SLC25A21: variants seen among roughly 807,000 people sequenced by gnomAD.
SLC25A21 encodes mitochondrial 2-oxodicarboxylate carrier.
A neutral mutation model predicts 43.8 loss-of-function variants in SLC25A21; 47 were observed. The ratio of observed to expected loss-of-function variants is 1.07; its 90% CI spans 0.85 to 1.37. The LOEUF is 1.37. Among genes scored for constraint, SLC25A21 ranks in the 40% most tolerant of loss-of-function variants. SLC25A21 has a pLI of 0.00. For synonymous variants in SLC25A21, 131 were observed against 121.3 expected, an observed-to-expected ratio of 1.08 and a Z score of -0.52; for missense variants, 352 against 350.2, an observed-to-expected ratio of 1.00 and a Z score of -0.04.
rs886189120 is a variant in SLC25A21 at position 36,958,831 on chromosome 14, C to G, written c.71-83827G>C. 5.9e-5 allele frequency among the ~76,000 whole-genome samples: 9 copies of G among 152,282 alleles called. No homozygotes were observed. In the East Asian group the frequency reaches 1.4e-3, roughly 23 times the overall value. ...AACAGAGTGGACAGAACCAGGCCTG[C>G]CTGAAGAGAGCCTCCAGAAACAAGA... On this transcript the variant is annotated intron_variant, in intron 1 of 9. Transcript: ENST00000331299.
chr14:36,975,907 T>C (rs1161129598), intron 1 of SLC25A21, among the ~76,000 whole-genome samples: 3 of 152,194 alleles, frequency 2.0e-5, no homozygotes, highest in Non-Finnish European at 2.9e-5. Context: ...AAAATGAGCA[T>C]TGCAGAGAAA....
At chr14:36,917,445 C>A (rs1222965617) in intron 1 of SLC25A21, among the ~76,000 whole-genome samples, 2 of 152,088 alleles carry the variant, frequency 1.3e-5, no homozygotes, top group South Asian at 2.1e-4. Context: ...TTGTTTATAT[C>A]TTTTTCTTAT....
chr14:36,703,696 CAT>C (rs1883377688), intron 7 of SLC25A21, among the ~76,000 whole-genome samples: 1 of 152,038 alleles, frequency 6.6e-6, no homozygotes, highest in South Asian at 2.1e-4. Context: ...TTTATGGAAA[CAT>C]ATGAAAAGAA....
At chr14:36,990,928 T>C (rs1594741302) in intron 1 of SLC25A21, among the ~76,000 whole-genome samples, 1 of 152,042 alleles carries the variant, frequency 6.6e-6, no homozygotes, top group East Asian at 1.9e-4. Flanking sequence ...TCAGTCATGT[T>C]CCCAAGCTCT....
chr14:37,040,545 G>A (rs1391483135), intron 1 of SLC25A21, among the ~76,000 whole-genome samples: 1 of 151,916 alleles, frequency 6.6e-6, no homozygotes, highest in Non-Finnish European at 1.5e-5. Flanking sequence ...GACCTTTCAT[G>A]CTGGGTAAGA....
At chr14:36,835,136 G>A (rs1032150630) in intron 2 of SLC25A21, among the ~76,000 whole-genome samples, 3 of 152,216 alleles carry the variant, frequency 2.0e-5, no homozygotes, top group Non-Finnish European at 2.9e-5. Context: ...AGACTGAGCA[G>A]ACATAAGTCT....
At chr14:37,120,609 G>A (rs1337745031) in intron 1 of SLC25A21, among the ~76,000 whole-genome samples, 1 of 152,116 alleles carries the variant, frequency 6.6e-6, no homozygotes, top group East Asian at 1.9e-4. Context: ...TGACTGCTTT[G>A]CCTTGGGCCC....
At chr14:36,987,203 G>T (rs1329446717) in intron 1 of SLC25A21, among the ~76,000 whole-genome samples, 1 of 152,046 alleles carries the variant, frequency 6.6e-6, no homozygotes, top group African/African-American at 2.4e-5. Context: ...ATGGGAAAAA[G>T]GCAGCCCAAC....
In SLC25A21 at chr14:37,106,679, T is replaced by C. The variant is rs1452072567; in HGVS notation, c.70+65602A>G. On this transcript the variant is annotated intron_variant, in intron 1 of 9. Transcript: ENST00000331299. ...ATCTTTGTTAGACCCTTATTAGTAGTTCTGCTTTTTGCCCTTTGAAGCATG... is the reference window on the plus strand; with the variant it reads ...ATCTTTGTTAGACCCTTATTAGTAGCTCTGCTTTTTGCCCTTTGAAGCATG... Among the ~76,000 whole-genome samples, 5 of 152,308 alleles carry C rather than the reference T, an allele frequency of 3.3e-5. 1 individual carries two copies. The highest frequency in any genetic ancestry group is 2.1e-4 in the South Asian group (1 of 4,826).
At chr14:36,878,698 T>C (rs1241054423) in intron 1 of SLC25A21, among the ~76,000 whole-genome samples, 2 of 152,152 alleles carry the variant, frequency 1.3e-5, no homozygotes, top group African/African-American at 4.8e-5. Flanking sequence ...TTCTCTATTC[T>C]CATAAAATTA....
At chr14:36,794,939 T>A (rs1376778425) in intron 3 of SLC25A21, among the ~76,000 whole-genome samples, 2 of 152,186 alleles carry the variant, frequency 1.3e-5, no homozygotes, top group African/African-American at 2.4e-5. Flanking sequence ...GATTAATTTA[T>A]GGATTTTACT....
intron 8 of SLC25A21, among the ~76,000 whole-genome samples, chr14:36,684,344 T>C (rs1271255422): frequency 2.0e-5 from 3 of 152,180 alleles, no homozygotes; most frequent in African/African-American, 7.2e-5. Context: ...ATGCACATAC[T>C]TTAAATTTTT....
rs117198530 is a variant in SLC25A21, at chr14:36,825,643, G to A, written c.120-11642C>T. 8.9e-4 allele frequency among the ~76,000 whole-genome samples: 136 copies of A among 152,262 alleles called. 2 individuals are homozygous for A. The East Asian group carries it at 0.024, about 27-fold the overall frequency. On this transcript the variant is annotated intron_variant, in intron 2 of 9. Coordinates refer to ENST00000331299, the MANE Select transcript of SLC25A21 (RefSeq NM_030631.4). ...GCTGACTTTAGCTAGCAGCTTTTACGCAAATGTTAACTTTGCATTTTAAAA... is the reference window on the plus strand; with the variant it reads ...GCTGACTTTAGCTAGCAGCTTTTACACAAATGTTAACTTTGCATTTTAAAA...
At chr14:36,959,969 T>TC (rs1452571746) in intron 1 of SLC25A21, among the ~76,000 whole-genome samples, 1 of 152,078 alleles carries the variant, frequency 6.6e-6, no homozygotes, top group African/African-American at 2.4e-5. Flanking sequence ...GCCTGTTAGA[T>TC]CCCCCATCTG....
In SLC25A21 at chr14:36,966,647, C is replaced by G. The variant is rs17105818; in HGVS notation, c.71-91643G>C. On this transcript the variant is annotated intron_variant, in intron 1 of 9. Coordinates refer to ENST00000331299, the MANE Select transcript of SLC25A21 (RefSeq NM_030631.4). Reference sequence around the variant, plus strand: ...ACTAAGTCTGCTCCTCTGCGACATTCCCATCGAATAACAACTGTTATCTGC... The same window carrying G: ...ACTAAGTCTGCTCCTCTGCGACATTGCCATCGAATAACAACTGTTATCTGC... 4.5e-4 allele frequency among the ~76,000 whole-genome samples: 68 copies of G among 152,338 alleles called. 1 individual carries two copies. The highest frequency in any genetic ancestry group is 1.5e-3 in the African/African-American group (64 of 41,572).
chr14:37,140,546 G>C (rs765976608), intron 1 of SLC25A21, among the ~76,000 whole-genome samples: 1 of 152,158 alleles, frequency 6.6e-6, no homozygotes, highest in Admixed American at 6.5e-5. Context: ...AGAATTGAAC[G>C]AGAGCATAAA....
chr14:37,104,284 G>T (rs530941087), intron 1 of SLC25A21, among the ~76,000 whole-genome samples: 5 of 152,194 alleles, frequency 3.3e-5, no homozygotes, highest in Non-Finnish European at 7.3e-5. Context: ...GAAGGTACCA[G>T]CCATGAGGTG....
chr14:36,912,153 G>C (rs1172140251), intron 1 of SLC25A21, among the ~76,000 whole-genome samples: 1 of 152,154 alleles, frequency 6.6e-6, no homozygotes, highest in African/African-American at 2.4e-5. Flanking sequence ...AAAGTAGAAA[G>C]GATCTATTTC....
chr14:36,936,353 T>C (rs1283190135), intron 1 of SLC25A21, among the ~76,000 whole-genome samples: 3 of 150,026 alleles, frequency 2.0e-5, no homozygotes, highest in African/African-American at 4.9e-5. Context: ...ACCACCCCTC[T>C]CCATCTCCCG....
Sources: allele counts gnomAD v4.1 joint callset (sites outside exome capture counted in the v4.1 genomes callset), GRCh38; gene constraint gnomAD v4.1.1; transcripts MANE v1.5; gene names NCBI Gene and HGNC (gene_info 2026-07-23, HGNC 2026-07-21).